Variants in KIAA1217 observed in about 807,000 individuals in gnomAD.
KIAA1217 encodes sickle tail protein homolog.
In KIAA1217, 88 loss-of-function variants were observed where a neutral mutation model predicts 163.9. The observed-to-expected ratio is 0.54, with a 90% CI of 0.45 to 0.64. The LOEUF is 0.64. Ranked by LOEUF, KIAA1217 falls within the 30% of genes least tolerant of loss-of-function variation. The pLI is 0.00. For missense variants in KIAA1217, 2,372 were observed against 2,475.0 expected, an observed-to-expected ratio of 0.96 and a Z score of 0.88; for synonymous variants, 903 against 923.1, an observed-to-expected ratio of 0.98 and a Z score of 0.39.
chr10:24,205,898 T>C (rs1277953754), upstream of KIAA1217, among the ~76,000 whole-genome samples: 2 of 152,214 alleles, frequency 1.3e-5, no homozygotes, highest in Admixed American at 1.3e-4. Context: ...TGTGATTAAT[T>C]CTCTTTATGG....
intron 1 of KIAA1217, among the ~76,000 whole-genome samples, chr10:23,864,274 A>G (rs1382474011): frequency 4.0e-5 from 6 of 151,810 alleles, no homozygotes; most frequent in African/African-American, 1.5e-4. Context: ...AATTCTCTTA[A>G]AATTTTTCTT....
At chr10:24,116,509 C>T (rs1334690867) in intron 2 of KIAA1217, among the ~76,000 whole-genome samples, 1 of 151,996 alleles carries the variant, frequency 6.6e-6, no homozygotes, top group Non-Finnish European at 1.5e-5. Flanking sequence ...GCTATCTGTT[C>T]CTTTACAGAG....
intron 1 of KIAA1217, among the ~76,000 whole-genome samples, chr10:23,745,522 G>A (rs1408393357): frequency 2.0e-5 from 3 of 152,182 alleles, no homozygotes; most frequent in Admixed American, 1.3e-4. Flanking sequence ...TTCAATACAT[G>A]ATGTTTCCGT....
intron 1 of KIAA1217, among the ~76,000 whole-genome samples, chr10:23,869,053 G>A (rs1036784239): frequency 1.7e-4 from 21 of 124,600 alleles, no homozygotes; most frequent in African/African-American, 6.1e-4. Context: ...TGCTAAGCAC[G>A]TTTTTTTTAT....
At chr10:24,092,904 AGTGTGT>A (rs149427130) in intron 2 of KIAA1217, among the ~76,000 whole-genome samples, 3 of 145,016 alleles carry the variant, frequency 2.1e-5, no homozygotes, top group Admixed American at 6.8e-5. Flanking sequence ...GTGTATGTAT[AGTGTGT>A]GTGTGTGTGT....
chr10:23,735,066 G>A (rs941546568), intron 1 of KIAA1217, among the ~76,000 whole-genome samples: 4 of 151,668 alleles, frequency 2.6e-5, no homozygotes, highest in Non-Finnish European at 4.4e-5. Context: ...AAAAAAAATC[G>A]TTATTATTTT....
intron 2 of KIAA1217, among the ~76,000 whole-genome samples, chr10:24,197,531 G>A (rs2067047263): frequency 6.6e-6 from 1 of 152,232 alleles, no homozygotes; most frequent in Non-Finnish European, 1.5e-5. Context: ...AAGAACTGAG[G>A]CGGAATGTTG....
intron 3 of KIAA1217, among the ~76,000 whole-genome samples, chr10:24,420,207 C>T (rs1225188657): frequency 6.6e-6 from 1 of 152,214 alleles, no homozygotes; most frequent in Non-Finnish European, 1.5e-5. Context: ...CTCACCAGTA[C>T]TTGAGGCTGT....
intron 1 of KIAA1217, among the ~76,000 whole-genome samples, chr10:23,822,838 TC>T: frequency 6.6e-6 from 1 of 152,162 alleles, no homozygotes; most frequent in African/African-American, 2.4e-5. Context: ...AATGAGCCCC[TC>T]TAGATTACTA....
intron 1 of KIAA1217, among the ~76,000 whole-genome samples, chr10:23,952,374 C>G (rs112452650): frequency 5.9e-5 from 9 of 152,104 alleles, no homozygotes; most frequent in African/African-American, 1.9e-4. Flanking sequence ...GTGTGTTCAG[C>G]GGGTGTCTCA....
chr10:24,010,538 TC>T (rs1182897705), intron 2 of KIAA1217, among the ~76,000 whole-genome samples: 2 of 151,626 alleles, frequency 1.3e-5, no homozygotes, highest in African/African-American at 2.4e-5. Context: ...CTGTAGATCT[TC>T]CCCCCCTTCA....
intron 1 of KIAA1217, among the ~76,000 whole-genome samples, chr10:23,712,294 C>G (rs1247809577): frequency 6.6e-6 from 1 of 151,972 alleles, no homozygotes; most frequent in Non-Finnish European, 1.5e-5. Flanking sequence ...ACCTGCATTC[C>G]CCTCACCAAT....
chr10:23,970,417 A>G (rs12354738), intron 1 of KIAA1217, among the ~76,000 whole-genome samples: 32,637 of 152,180 alleles, frequency 0.21, 3,854 homozygotes, highest in Middle Eastern at 0.3. Flanking sequence ...TCTCATTTGT[A>G]TGTGGAGTCT....
At chr10:23,818,015 A>AC in intron 1 of KIAA1217, among the ~76,000 whole-genome samples, 1 of 129,480 alleles carries the variant, frequency 7.7e-6, no homozygotes, top group East Asian at 2.1e-4. Context: ...ATATACACAC[A>AC]TATATATACA....
chr10:24,278,371 C>G (rs938877093), intron 2 of KIAA1217, among the ~76,000 whole-genome samples: 2 of 152,272 alleles, frequency 1.3e-5, no homozygotes, highest in East Asian at 3.9e-4. Context: ...TACACAGACC[C>G]GGTTTTGAAT....
intron 2 of KIAA1217, among the ~76,000 whole-genome samples, chr10:24,294,322 C>T (rs1011292168): frequency 1.3e-5 from 2 of 151,980 alleles, no homozygotes; most frequent in Non-Finnish European, 2.9e-5. Flanking sequence ...CTCTTTTCCC[C>T]TACTAGCTTC....
intron 2 of KIAA1217, among the ~76,000 whole-genome samples, chr10:24,291,973 A>C (rs968496821): frequency 1.3e-5 from 2 of 152,202 alleles, no homozygotes; most frequent in African/African-American, 4.8e-5. Context: ...CTAGACCCTG[A>C]AATAAAATGG....
Position 24,544,094 on chromosome 10 carries a change from G to C in KIAA1217, c.4824G>C (p.Glu1608Asp), listed in dbSNP as rs756719133. 26 of 1,614,144 alleles carry C rather than the reference G, an allele frequency of 1.6e-5. No individual in the cohort carries two copies. Among genetic ancestry groups the C allele is most frequent in the Non-Finnish European group, 1.9e-5 (23 of 1,180,038 alleles). Residue 1608 changes from glutamate to aspartate, a missense_variant, in exon 19 of 21, where the codon GAG becomes GAC. Transcript: ENST00000376454. Reference protein sequence around the residue: ...KTLQVVVYEEEEEDGTLKQHK... With the variant: ...KTLQVVVYEEDEEDGTLKQHK... ...TGCAAGTGGTAGTCTATGAAGAAGA[G>C]GAAGAGGATGGCACCCTGAAACAGC...
At chr10:24,412,688 T>C (rs778074461) in intron 3 of KIAA1217, among the ~76,000 whole-genome samples, 7 of 152,176 alleles carry the variant, frequency 4.6e-5, no homozygotes, top group South Asian at 2.1e-4. Context: ...CATTTTCTCA[T>C]CCATAGACAC....
Sources: allele counts gnomAD v4.1 joint callset (sites outside exome capture counted in the v4.1 genomes callset), GRCh38; gene constraint gnomAD v4.1.1; transcripts MANE v1.5; gene names NCBI Gene and HGNC (gene_info 2026-07-23, HGNC 2026-07-21).